MESP1: variants seen among roughly 807,000 people sequenced by gnomAD.
The protein encoded by MESP1 is mesoderm posterior bHLH transcription factor 1, also known as mesoderm posterior protein 1.
A neutral mutation model predicts 15.2 loss-of-function variants in MESP1; 22 were observed. That is an observed-to-expected ratio of 1.45 (90% CI 1.04 to 2.07). The LOEUF is 2.07. MESP1 is among the 30% of genes most tolerant of loss of function. The pLI is 0.00. For missense variants in MESP1, 484 were observed against 411.9 expected (o/e 1.17, Z -1.51); for synonymous variants, 216 against 192.6 (o/e 1.12, Z -1.01).
downstream of MESP1, among the ~76,000 whole-genome samples, chr15:89,745,271 T>C (rs973072650): frequency 2.6e-5 from 4 of 152,232 alleles, no homozygotes; most frequent in East Asian, 7.7e-4. This position sits in a 1 kb window ranked among gnomAD's most constrained non-coding sequence, Gnocchi z 4.8. Flanking sequence ...ACAAGGCGTC[T>C]TATGTGCCAG....
At chr15:89,736,324 G>A in the MESP1 span, among the ~76,000 whole-genome samples, 2 of 152,178 alleles carry the variant, frequency 1.3e-5, no homozygotes, top group Admixed American at 6.5e-5. Context: ...GATTCCTGGT[G>A]TGGCCCTACG....
the MESP1 span, among the ~76,000 whole-genome samples, chr15:89,742,239 T>TA: frequency 6.6e-6 from 1 of 150,728 alleles, no homozygotes; most frequent in Non-Finnish European, 1.5e-5. Context: ...CATCTATAAA[T>TA]AAAAAATTAA....
chr15:89,735,699 G>C, the MESP1 span: 1 of 774,160 alleles, frequency 1.3e-6, no homozygotes, highest in South Asian at 1.7e-5. Context: ...AATAGAAAGA[G>C]AAAGAACCTG....
At chr15:89,737,254 G>C in the MESP1 span, among the ~76,000 whole-genome samples, 11 of 152,214 alleles carry the variant, frequency 7.2e-5, no homozygotes, top group African/African-American at 2.4e-4. Flanking sequence ...GCACAGGTGA[G>C]AAATGGAATC....
chr15:89,740,209 C>T, the MESP1 span, among the ~76,000 whole-genome samples: 1 of 152,136 alleles, frequency 6.6e-6, no homozygotes, highest in African/African-American at 2.4e-5. Flanking sequence ...CAAGTTCATG[C>T]CTGGGAAAAT....
At chr15:89,735,555 T>G in the MESP1 span, 1 of 1,613,790 alleles carries the variant, frequency 6.2e-7, no homozygotes, top group South Asian at 1.1e-5. Flanking sequence ...CCTGGCATGG[T>G]AGGTTCCCCA....
chr15:89,736,071 CAGA>C, the MESP1 span, among the ~76,000 whole-genome samples: 5 of 152,148 alleles, frequency 3.3e-5, no homozygotes, highest in Non-Finnish European at 7.4e-5. Flanking sequence ...GTACACTGCG[CAGA>C]AGGATACAGA....
the MESP1 span, chr15:89,735,609 A>G: frequency 1.9e-6 from 3 of 1,547,506 alleles, no homozygotes; most frequent in Admixed American, 1.7e-5. Context: ...CTCTTCTGTG[A>G]ATGTGTTCAT....
the MESP1 span, among the ~76,000 whole-genome samples, chr15:89,736,239 G>A: frequency 6.6e-6 from 1 of 152,302 alleles, no homozygotes; most frequent in Non-Finnish European, 1.5e-5. Flanking sequence ...GGAAGCGTGC[G>A]CGGTTGATCC....
the MESP1 span, chr15:89,732,988 T>C: frequency 3.7e-6 from 6 of 1,613,100 alleles, no homozygotes; most frequent in Non-Finnish European, 5.1e-6. Context: ...GACCGGCTTG[T>C]GTGATTACTT....
At chr15:89,746,927 C>T (rs1967974577), downstream of MESP1, among the ~76,000 whole-genome samples, 1 of 79,988 alleles carries the variant, frequency 1.3e-5, no homozygotes, top group African/African-American at 5.0e-5. Context: ...ACACACAGCC[C>T]CACCTCCACA....
chr15:89,734,986 CTCCT>C, the MESP1 span, among the ~76,000 whole-genome samples: 47 of 149,892 alleles, frequency 3.1e-4, no homozygotes, highest in East Asian at 5.9e-4. Context: ...CCCTCCGTCC[CTCCT>C]TCCTTCCTTC....
chr15:89,732,504 T>C, the MESP1 span, among the ~76,000 whole-genome samples: 1 of 152,180 alleles, frequency 6.6e-6, no homozygotes, highest in Non-Finnish European at 1.5e-5. Context: ...ACAGCATTAT[T>C]ATAGAAGCAA....
chr15:89,735,682 GT>G, the MESP1 span: 1 of 923,922 alleles, frequency 1.1e-6, no homozygotes, highest in Non-Finnish European at 1.7e-6. Context: ...TAGCTTTCGG[GT>G]TTACAAATAG....
chr15:89,739,642 G>C, the MESP1 span, among the ~76,000 whole-genome samples: 2 of 152,158 alleles, frequency 1.3e-5, no homozygotes, highest in Non-Finnish European at 2.9e-5. Context: ...ACACATTTCG[G>C]GTGGACTGGG....
intron 1 of MESP1, 89 bp downstream of exon 1, chr15:89,750,420 G>C: frequency 6.9e-7 from 1 of 1,457,806 alleles, no homozygotes; most frequent in Non-Finnish European, 9.0e-7. Context: ...CCGGCGGGGA[G>C]CAGCAGGGTG....
downstream of MESP1, among the ~76,000 whole-genome samples, chr15:89,746,126 C>T (rs1967942409): frequency 7.1e-6 from 1 of 140,196 alleles, no homozygotes. Context: ...ATCCACACCT[C>T]CACACAGCAT....
chr15:89,739,692 A>T, the MESP1 span, among the ~76,000 whole-genome samples: 1 of 152,310 alleles, frequency 6.6e-6, no homozygotes, highest in African/African-American at 2.4e-5. Flanking sequence ...CGGGCCTGCC[A>T]CTACAGAACT....
chr15:89,740,594 C>G, the MESP1 span, among the ~76,000 whole-genome samples: 7 of 152,264 alleles, frequency 4.6e-5, no homozygotes, highest in African/African-American at 1.4e-4. Context: ...CTCTGCCTCC[C>G]GGGTTCAAGC....
Sources: allele counts gnomAD v4.1 joint callset (sites outside exome capture counted in the v4.1 genomes callset), GRCh38; gene constraint gnomAD v4.1.1; non-coding constraint Gnocchi (gnomAD v3.1); transcripts MANE v1.5; gene names NCBI Gene and HGNC (gene_info 2026-07-23, HGNC 2026-07-21).